Variants in TAOK3 observed in about 807,000 individuals in gnomAD.
The protein encoded by TAOK3 is serine/threonine-protein kinase TAO3.
A neutral mutation model predicts 120.4 loss-of-function variants in TAOK3; 40 were observed. The observed-to-expected ratio is 0.33, with a 90% CI of 0.26 to 0.43. The LOEUF (loss-of-function observed/expected upper bound fraction) is 0.43, where lower values mean the gene tolerates loss of function less well. Ranked by LOEUF, TAOK3 falls within the 20% of genes least tolerant of loss-of-function variation. TAOK3 has a pLI of 1.00. For synonymous variants in TAOK3, 355 were observed against 387.5 expected, an observed-to-expected ratio of 0.92 and a Z score of 0.99; for missense variants, 821 against 1,112.1, an observed-to-expected ratio of 0.74 and a Z score of 3.72.
At chr12:118,158,497 C>G (rs2034993831) in intron 19 of TAOK3, among the ~76,000 whole-genome samples, 2 of 152,188 alleles carry the variant, frequency 1.3e-5, no homozygotes, top group South Asian at 4.1e-4. Context: ...ATTGTTCTAG[C>G]TTGGTAAGAT....
chr12:118,256,785 T>A (rs949538108), intron 2 of TAOK3, among the ~76,000 whole-genome samples: 2 of 152,198 alleles, frequency 1.3e-5, no homozygotes, highest in Non-Finnish European at 2.9e-5. Flanking sequence ...AGCTAAAAGA[T>A]ACAGGCTTTC....
intron 15 of TAOK3, among the ~76,000 whole-genome samples, chr12:118,180,525 G>A (rs962764788): frequency 1.3e-5 from 2 of 152,204 alleles, no homozygotes; most frequent in Non-Finnish European, 2.9e-5. Context: ...ATAGGTGTAA[G>A]CCACCACATC....
chr12:118,247,059 G>C, intron 3 of TAOK3: 1 of 609,908 alleles, frequency 1.6e-6, no homozygotes, highest in Non-Finnish European at 2.7e-6. Context: ...AATCCCTGGA[G>C]CAGTGCTATC....
At chr12:118,159,461 C>T (rs2035073553) in intron 19 of TAOK3, among the ~76,000 whole-genome samples, 1 of 152,074 alleles carries the variant, frequency 6.6e-6, no homozygotes, top group African/African-American at 2.4e-5. Context: ...CAGGTGCCTG[C>T]CCAGCTAATT....
At chr12:118,316,991 C>CGCA (rs2043489482) in intron 1 of TAOK3, among the ~76,000 whole-genome samples, 1 of 151,906 alleles carries the variant, frequency 6.6e-6, no homozygotes, top group Non-Finnish European at 1.5e-5. Flanking sequence ...GGGCTGGGCA[C>CGCA]GGTGGCTCAC....
chr12:118,212,837 C>A (rs2038699986), intron 11 of TAOK3, 77 bp downstream of exon 11: 1 of 1,018,764 alleles, frequency 9.8e-7, no homozygotes, highest in Non-Finnish European at 1.5e-6. Flanking sequence ...TGATGAGCTG[C>A]CACAGGAATG....
At chr12:118,336,936 TG>T (rs1364031787) in intron 1 of TAOK3, among the ~76,000 whole-genome samples, 1 of 152,136 alleles carries the variant, frequency 6.6e-6, no homozygotes, top group Non-Finnish European at 1.5e-5. Flanking sequence ...GCTGCCCACC[TG>T]TAATCACAAC....
intron 1 of TAOK3, among the ~76,000 whole-genome samples, chr12:118,366,039 CGA>C (rs1750215179): frequency 6.6e-6 from 1 of 152,018 alleles, no homozygotes; most frequent in African/African-American, 2.4e-5. Flanking sequence ...CTGAAGCAGG[CGA>C]TCACCTGAGG....
intron 2 of TAOK3, among the ~76,000 whole-genome samples, chr12:118,262,841 A>G (rs1359249150): frequency 1.3e-5 from 2 of 151,804 alleles, no homozygotes; most frequent in Non-Finnish European, 2.9e-5. Context: ...AAAAAAAAAA[A>G]AAGCGAAATA....
At chr12:118,242,875 C>G (rs2139987803) in intron 5 of TAOK3, among the ~76,000 whole-genome samples, 1 of 151,114 alleles carries the variant, frequency 6.6e-6, no homozygotes, top group East Asian at 1.9e-4. Context: ...AACAAACAAA[C>G]AAACAAAATA....
rs570230041 is a variant in TAOK3, at chr12:118,280,923, A to G, written c.-193-14164T>C. 9.8e-5 allele frequency among the ~76,000 whole-genome samples: 15 copies of G among 152,296 alleles called. No homozygotes were observed. The South Asian group carries it at 3.1e-3, about 32-fold the overall frequency. ...GTAGAGATCTTTCACCTCCCTGGTT[A>G]GCTGTATTCCTAGGTATTTTATTCT... On this transcript the variant is annotated intron_variant, in intron 1 of 20. Transcript: ENST00000392533.
intron 3 of TAOK3, among the ~76,000 whole-genome samples, chr12:118,251,639 GCA>G (rs1418981028): frequency 8.6e-5 from 13 of 152,026 alleles, no homozygotes; most frequent in Non-Finnish European, 5.9e-5. Context: ...CTTCAAAAAC[GCA>G]CACACTCTAG....
chr12:118,272,431 T>A (rs1214016673), intron 1 of TAOK3, among the ~76,000 whole-genome samples: 1 of 152,174 alleles, frequency 6.6e-6, no homozygotes, highest in Non-Finnish European at 1.5e-5. Context: ...TGTGTTTCAA[T>A]GTTTTTTTCA....
At chr12:118,310,084 A>G (rs983618747) in intron 1 of TAOK3, among the ~76,000 whole-genome samples, 1 of 152,062 alleles carries the variant, frequency 6.6e-6, no homozygotes, top group African/African-American at 2.4e-5. Context: ...AGGCCACAAG[A>G]TCAGCCTGAA....
Position 118,189,940 on chromosome 12 carries a change from T to A in TAOK3, c.1196A>T (p.Asp399Val), listed in dbSNP as rs980841214. The A allele has an allele frequency of 1.9e-6, 3 of 1,613,974 alleles. No individual in the cohort carries two copies. Among genetic ancestry groups the A allele is most frequent in the Non-Finnish European group, 2.5e-6 (3 of 1,179,880 alleles). The change falls in exon 14 of 21, where the codon GAT (aspartate) becomes GTT (valine). Residue 399 changes from aspartate (D) to valine (V), a missense_variant and splice_region_variant. Transcript: ENST00000392533. ...CGCCTCATCCCTTATGAATACATGA[T>A]CCTGCAGAAATGGATAAAAACAAGG... ...NSSSSVVHKK[D>V]HVFIRDEAGH...
chr12:118,363,530 A>C (rs548059609), intron 1 of TAOK3, among the ~76,000 whole-genome samples: 2 of 152,204 alleles, frequency 1.3e-5, no homozygotes, highest in East Asian at 3.8e-4. Flanking sequence ...GAAAAAGTAC[A>C]AATCAAGTAC....
In TAOK3 at chr12:118,372,454, G is replaced by C. The variant is rs2045929705; in HGVS notation, c.-194+194C>G. 6.7e-6 allele frequency among the ~76,000 whole-genome samples: 1 copy of C among 149,114 alleles called. No homozygotes were observed. Among genetic ancestry groups the C allele is most frequent in the African/African-American group, 2.5e-5 (1 of 40,246 alleles). On this transcript the variant is annotated intron_variant, in intron 1 of 20. Transcript: ENST00000392533. This position sits in a 1 kb window ranked among gnomAD's most constrained non-coding sequence, Gnocchi z 4.6. ...CAGACTTTCAGTCTTGGACCCTCTC[G>C]GAGTCCTCTCCACTCAGAGCCACTG...
intron 1 of TAOK3, among the ~76,000 whole-genome samples, chr12:118,277,507 T>C (rs533723200): frequency 6.6e-6 from 1 of 151,826 alleles, no homozygotes; most frequent in East Asian, 1.9e-4. Context: ...GTCGCCCAGG[T>C]TGGAGTGCAG....
chr12:118,150,888 G>T lies in TAOK3; in HGVS notation c.*109C>A. ...GATGTCAGTAAGAGTAAGAGAGAGA[G>T]AGAGTGAGAGCAACGCCCGTTAAAA... On this transcript the variant is annotated 3_prime_UTR_variant, in exon 21 of 21. Transcript: ENST00000392533. The T allele has an allele frequency of 8.9e-7, 1 of 1,118,984 alleles. No homozygotes were observed. The highest frequency in any genetic ancestry group is 1.6e-5 in the South Asian group (1 of 62,276). 69.3% of individuals were successfully genotyped at this position (1,118,984 alleles called of 1,614,324 possible).
Sources: allele counts gnomAD v4.1 joint callset (sites outside exome capture counted in the v4.1 genomes callset), GRCh38; gene constraint gnomAD v4.1.1; non-coding constraint Gnocchi (gnomAD v3.1); transcripts MANE v1.5; gene names NCBI Gene and HGNC (gene_info 2026-07-23, HGNC 2026-07-21).